Variants in PALM2AKAP2 observed in about 807,000 individuals in gnomAD.
PALM2AKAP2 encodes PALM2 and AKAP2 fusion.
Under a neutral mutation model 71.5 loss-of-function variants are expected in PALM2AKAP2, and 37 were observed. That is an observed-to-expected ratio of 0.52 (90% CI 0.40 to 0.68). The LOEUF is 0.68. Among genes scored for constraint, PALM2AKAP2 ranks in the 30% least tolerant of loss-of-function variants. PALM2AKAP2 has a pLI of 0.00. For missense variants in PALM2AKAP2, 1,224 were observed against 1,191.8 expected (o/e 1.03, Z -0.40); for synonymous variants, 468 against 478.8 (o/e 0.98, Z 0.29).
chr9:109,977,166 C>G (rs1043762943), intron 6 of PALM2AKAP2, among the ~76,000 whole-genome samples: 1 of 152,190 alleles, frequency 6.6e-6, no homozygotes, highest in Non-Finnish European at 1.5e-5. Context: ...ACCACTGTAT[C>G]ACATTGACTC....
chr9:110,092,711 G>T (rs1222644898), intron 1 of PALM2AKAP2, among the ~76,000 whole-genome samples: 5 of 152,116 alleles, frequency 3.3e-5, no homozygotes, highest in Non-Finnish European at 7.4e-5. Flanking sequence ...GGCATTGTGG[G>T]ATCTAGAAAT....
chr9:110,103,403 G>A (rs188312603), intron 1 of PALM2AKAP2, among the ~76,000 whole-genome samples: 1 of 152,294 alleles, frequency 6.6e-6, no homozygotes, highest in East Asian at 1.9e-4. Context: ...TGCAGCAAGT[G>A]AGACACTAAG....
intron 6 of PALM2AKAP2, among the ~76,000 whole-genome samples, chr9:110,014,625 T>G (rs1588058972): frequency 6.7e-6 from 1 of 150,364 alleles, no homozygotes; most frequent in African/African-American, 2.4e-5. Flanking sequence ...ATACAAAAAT[T>G]AGCTGGGTGT....
At chr9:109,744,418 T>C (rs1405104940) in intron 1 of PALM2AKAP2, among the ~76,000 whole-genome samples, 2 of 152,164 alleles carry the variant, frequency 1.3e-5, no homozygotes, top group African/African-American at 4.8e-5. Flanking sequence ...AAGAAAAATA[T>C]CTTGCAGATC....
intron 6 of PALM2AKAP2, among the ~76,000 whole-genome samples, chr9:109,999,285 G>C (rs145889492): frequency 1.3e-5 from 2 of 151,800 alleles, no homozygotes; most frequent in Non-Finnish European, 2.9e-5. Context: ...ATTACAGTGA[G>C]CCAAGATCAC....
At chr9:109,906,077 G>A (rs988540680) in intron 3 of PALM2AKAP2, among the ~76,000 whole-genome samples, 1 of 152,194 alleles carries the variant, frequency 6.6e-6, no homozygotes, top group Non-Finnish European at 1.5e-5. Flanking sequence ...GGACAGCTGG[G>A]CCATCACATG....
intron 1 of PALM2AKAP2, among the ~76,000 whole-genome samples, chr9:110,079,754 C>T (rs1834402615): frequency 6.6e-6 from 1 of 151,942 alleles, no homozygotes; most frequent in African/African-American, 2.4e-5. Flanking sequence ...GTACTTGTTG[C>T]CTACTGAGAA....
chr9:109,733,735 G>A (rs2208703), intron 1 of PALM2AKAP2, among the ~76,000 whole-genome samples: 22,324 of 152,134 alleles, frequency 0.15, 2,054 homozygotes, highest in Non-Finnish European at 0.21. Flanking sequence ...GTAATCATTT[G>A]GGGGAATCAA....
chr9:109,656,160 A>G (rs1429840347), intron 1 of PALM2AKAP2, among the ~76,000 whole-genome samples: 2 of 152,200 alleles, frequency 1.3e-5, no homozygotes, highest in African/African-American at 4.8e-5. Flanking sequence ...GGGCAACCTC[A>G]TGTAACATAG....
At chr9:109,867,067 A>G (rs772393012) in intron 1 of PALM2AKAP2, 7 of 456,464 alleles carry the variant, frequency 1.5e-5, no homozygotes, top group Non-Finnish European at 3.1e-5. Context: ...CCACTGTCTT[A>G]TTCTATGGTA....
intron 3 of PALM2AKAP2, among the ~76,000 whole-genome samples, chr9:109,899,910 A>G (rs554529471): frequency 6.6e-6 from 1 of 152,358 alleles, no homozygotes; most frequent in Non-Finnish European, 1.5e-5. Flanking sequence ...ACTGTGTCAT[A>G]GTACATTGGA....
chr9:109,680,006 T>C (rs561304882), intron 1 of PALM2AKAP2, among the ~76,000 whole-genome samples: 1 of 152,212 alleles, frequency 6.6e-6, no homozygotes, highest in Non-Finnish European at 1.5e-5. Context: ...TCTAGTTTCA[T>C]GCAAAAGGAG....
At chr9:109,782,205 C>T (rs961694319) in intron 1 of PALM2AKAP2, among the ~76,000 whole-genome samples, 6 of 152,134 alleles carry the variant, frequency 3.9e-5, no homozygotes, top group African/African-American at 9.7e-5. Context: ...GAGGCCAAGT[C>T]GATTTTCCAA....
At chr9:110,114,502 A>G (rs1475066588) in intron 1 of PALM2AKAP2, among the ~76,000 whole-genome samples, 4 of 152,168 alleles carry the variant, frequency 2.6e-5, no homozygotes, top group East Asian at 1.9e-4. Context: ...TATTATACCC[A>G]TTTAACAGAT....
chr9:110,002,947 G>A (rs1016002898), intron 6 of PALM2AKAP2, among the ~76,000 whole-genome samples: 3 of 151,898 alleles, frequency 2.0e-5, no homozygotes, highest in African/African-American at 4.8e-5. Flanking sequence ...TCTTGCTAGC[G>A]GTCTATCAAT....
At chr9:110,005,453 A>T (rs1251097982) in intron 6 of PALM2AKAP2, among the ~76,000 whole-genome samples, 1 of 152,194 alleles carries the variant, frequency 6.6e-6, no homozygotes, top group Non-Finnish European at 1.5e-5. Context: ...GGTGCCTCCC[A>T]GTTAGGCTAC....
At chr9:109,734,862 G>C (rs16914448) in intron 1 of PALM2AKAP2, among the ~76,000 whole-genome samples, 2 of 151,998 alleles carry the variant, frequency 1.3e-5, no homozygotes, top group Non-Finnish European at 2.9e-5. Context: ...AAATAATCAC[G>C]AGGACCTTCC....
intron 1 of PALM2AKAP2, among the ~76,000 whole-genome samples, chr9:109,709,441 G>A (rs1045901037): frequency 3.3e-5 from 5 of 152,184 alleles, no homozygotes; most frequent in African/African-American, 1.2e-4. Context: ...GCTCACCTGG[G>A]CCACTGCCTG....
At chr9:109,830,956 A>G (rs148584489) in intron 1 of PALM2AKAP2, among the ~76,000 whole-genome samples, 292 of 152,172 alleles carry the variant, frequency 1.9e-3, no homozygotes, top group African/African-American at 6.7e-3. Context: ...CCTAGATTTG[A>G]TTGGAACAGC....
Sources: allele counts gnomAD v4.1 joint callset (sites outside exome capture counted in the v4.1 genomes callset), GRCh38; gene constraint gnomAD v4.1.1; transcripts MANE v1.5; gene names NCBI Gene and HGNC (gene_info 2026-07-23, HGNC 2026-07-21).